Variants in FRMD4A observed in about 807,000 individuals in gnomAD.
FRMD4A encodes FERM domain-containing protein 4A.
A neutral mutation model predicts 129.1 loss-of-function variants in FRMD4A; 29 were observed. The observed-to-expected ratio is 0.22, with a 90% confidence interval of 0.17 to 0.31. The LOEUF is 0.31. Among genes scored for constraint, FRMD4A ranks in the 10% least tolerant of loss-of-function variants. The pLI, the probability that FRMD4A is intolerant of heterozygous loss-of-function variation, is 1.00. For missense variants in FRMD4A, 1,272 were observed against 1,375.8 expected (o/e 0.92, Z 1.19); for synonymous variants, 634 against 571.6 (o/e 1.11, Z -1.56).
At chr10:14,323,748 C>T (rs1477606901) in intron 2 of FRMD4A, among the ~76,000 whole-genome samples, 1 of 152,160 alleles carries the variant, frequency 6.6e-6, no homozygotes, top group Non-Finnish European at 1.5e-5. Flanking sequence ...GACACATTAG[C>T]CAGCCTGATT....
intron 3 of FRMD4A, among the ~76,000 whole-genome samples, chr10:13,853,626 G>A (rs1049416023): frequency 6.6e-6 from 1 of 152,002 alleles, no homozygotes; most frequent in African/African-American, 2.4e-5. Context: ...CTGAGGTCAG[G>A]AATTCCAGAC....
chr10:14,143,500 C>G (rs1362411713), intron 2 of FRMD4A, among the ~76,000 whole-genome samples: 6 of 152,228 alleles, frequency 3.9e-5, no homozygotes, highest in African/African-American at 1.2e-4. Context: ...TTAATAGGGA[C>G]AGAGTTTCAG....
At chr10:14,241,719 A>G (rs1844054449) in intron 2 of FRMD4A, among the ~76,000 whole-genome samples, 2 of 121,548 alleles carry the variant, frequency 1.6e-5, no homozygotes, top group South Asian at 2.8e-4. Flanking sequence ...AAAAAAAAAA[A>G]AAGAGCCAAC....
chr10:13,739,510 G>C (rs1313817390), intron 11 of FRMD4A, among the ~76,000 whole-genome samples: 1 of 152,194 alleles, frequency 6.6e-6, no homozygotes, highest in African/African-American at 2.4e-5. Context: ...TATGCTTTGA[G>C]GTTCTAAGTG....
chr10:13,714,436 A>G (rs2134944700), intron 12 of FRMD4A, among the ~76,000 whole-genome samples: 1 of 151,428 alleles, frequency 6.6e-6, no homozygotes, highest in East Asian at 1.9e-4. Context: ...TAGGCATTCA[A>G]TATATTTTAC....
chr10:13,778,852 G>A (rs11258598), intron 6 of FRMD4A, among the ~76,000 whole-genome samples: 42,309 of 151,972 alleles, frequency 0.28, 6,928 homozygotes, highest in Middle Eastern at 0.38. Flanking sequence ...ATAAAAGGCT[G>A]CATCTATCTC....
intron 2 of FRMD4A, among the ~76,000 whole-genome samples, chr10:14,021,706 C>T (rs367658436): frequency 6.6e-6 from 1 of 152,260 alleles, no homozygotes; most frequent in East Asian, 1.9e-4. Context: ...CATTTTTAAT[C>T]TGGGTGGTGG....
In FRMD4A at chr10:13,737,271, G is replaced by A. The variant is rs182625956; in HGVS notation, c.759+573C>T. Among the ~76,000 whole-genome samples the A allele has an allele frequency of 2.0e-5, 3 of 152,288 alleles. No individual in the cohort carries two copies. In the East Asian group the frequency reaches 5.8e-4, roughly 29 times the overall value. ...TGCCCAGCTAATTTTTGTATTTTTAGTAGAGAGAGGGTTCTACCATGTTGG... is the reference window on the plus strand; with the variant it reads ...TGCCCAGCTAATTTTTGTATTTTTAATAGAGAGAGGGTTCTACCATGTTGG... On this transcript the variant is annotated intron_variant, in intron 12 of 24. Transcript: ENST00000357447.
intron 2 of FRMD4A, among the ~76,000 whole-genome samples, chr10:14,274,705 C>G (rs927735619): frequency 1.3e-5 from 2 of 152,190 alleles, no homozygotes; most frequent in Non-Finnish European, 1.5e-5. Context: ...GATCCTCTCC[C>G]ACCTCTTAGA....
chr10:13,850,366 C>G (rs146650681), intron 3 of FRMD4A, among the ~76,000 whole-genome samples: 4 of 152,062 alleles, frequency 2.6e-5, no homozygotes, highest in Admixed American at 1.3e-4. Context: ...TTAATGTACT[C>G]GACCTTTAAG....
At chr10:13,843,147 T>TA (rs2093993237) in intron 3 of FRMD4A, among the ~76,000 whole-genome samples, 1 of 152,178 alleles carries the variant, frequency 6.6e-6, no homozygotes. Flanking sequence ...CAACATGCAG[T>TA]ACCAAGTATG....
intron 2 of FRMD4A, among the ~76,000 whole-genome samples, chr10:14,222,684 CAGG>C (rs1174874574): frequency 5.9e-5 from 9 of 152,160 alleles, no homozygotes; most frequent in Non-Finnish European, 1.3e-4. Flanking sequence ...ACTGCAGAAT[CAGG>C]CCATGGTATT....
At chr10:13,953,524 G>A (rs184574816) in intron 2 of FRMD4A, among the ~76,000 whole-genome samples, 333 of 152,140 alleles carry the variant, frequency 2.2e-3, no homozygotes, top group African/African-American at 6.2e-3. Context: ...ACTCCATCCC[G>A]CCTGGGACAT....
rs143939920 is a variant in FRMD4A at position 13,938,482 on chromosome 10, A to G, written c.46-79570T>C. 2.4e-3 allele frequency among the ~76,000 whole-genome samples: 369 copies of G among 152,234 alleles called. 3 individuals carry two copies. The highest frequency in any genetic ancestry group is 0.024 in the East Asian group (124 of 5,180). Reference sequence around the variant, plus strand: ...GGTCTCAAACTCCTGAGCTCAGGCAATCCATCCACCTCAACCTCCTAAAGT... The same window carrying G: ...GGTCTCAAACTCCTGAGCTCAGGCAGTCCATCCACCTCAACCTCCTAAAGT... On this transcript the variant is annotated intron_variant, in intron 2 of 24. Transcript: ENST00000357447.
intron 23 of FRMD4A, 131 bp downstream of exon 23, chr10:13,654,285 T>C: frequency 1.4e-6 from 1 of 716,882 alleles, no homozygotes; most frequent in South Asian, 1.6e-5. Context: ...GGGCTTCTCT[T>C]GAAAGGAAGA....
intron 2 of FRMD4A, among the ~76,000 whole-genome samples, chr10:14,305,599 C>T (rs1846323385): frequency 6.6e-6 from 1 of 152,058 alleles, no homozygotes; most frequent in African/African-American, 2.4e-5. Context: ...GTTTTCTATA[C>T]CTTCATAAAC....
rs539246312 is a variant in FRMD4A, at chr10:13,815,673, T to A, written c.112-4765A>T. Among the ~76,000 whole-genome samples, 5 of 152,244 alleles carry A rather than the reference T, an allele frequency of 3.3e-5. No homozygotes were observed. The South Asian group carries it at 1.0e-3, about 32-fold the overall frequency. ...ACCTCTGTTGACCCTGCTTCCAGGG[T>A]GAGAGCCTAAGGATCGTGCCTCAAG... On this transcript the variant is annotated intron_variant, in intron 3 of 24. Coordinates refer to ENST00000357447, the MANE Select transcript of FRMD4A (RefSeq NM_018027.5).
intron 2 of FRMD4A, among the ~76,000 whole-genome samples, chr10:13,964,850 T>G (rs111241628): frequency 0.016 from 2,473 of 152,030 alleles, 65 homozygotes; most frequent in African/African-American, 0.057. Flanking sequence ...CACAGCCAGC[T>G]GATTTTTGTA....
intron 2 of FRMD4A, among the ~76,000 whole-genome samples, chr10:14,236,537 C>T (rs373580804): frequency 1.1e-4 from 16 of 152,262 alleles, no homozygotes; most frequent in Admixed American, 7.8e-4. Flanking sequence ...GTCAGCTCTG[C>T]GGATCACCAC....
Sources: gnomAD v4.1 joint callset for allele counts (sites outside exome capture counted in the v4.1 genomes callset) on GRCh38, gnomAD v4.1.1 for gene constraint, MANE v1.5 for transcripts, NCBI Gene and HGNC (gene_info 2026-07-23, HGNC 2026-07-21) for gene names.